Variants in DDAH1 observed in about 807,000 individuals in gnomAD.
DDAH1 encodes N(G),N(G)-dimethylarginine dimethylaminohydrolase 1.
DDAH1 carries 19 observed loss-of-function variants against 28.8 expected under a neutral mutation model. The ratio of observed to expected loss-of-function variants is 0.66; its 90% confidence interval spans 0.46 to 0.97. The LOEUF is 0.97. DDAH1 is among the 50% of genes least tolerant of loss of function. The pLI is 0.00. For synonymous variants in DDAH1, 153 were observed against 154.4 expected, an observed-to-expected ratio of 0.99 and a Z score of 0.07; for missense variants, 326 against 375.9, an observed-to-expected ratio of 0.87 and a Z score of 1.10.
At chr1:85,519,464 G>A (rs1208011614) in intron 1 of DDAH1, among the ~76,000 whole-genome samples, 1 of 152,106 alleles carries the variant, frequency 6.6e-6, no homozygotes, top group African/African-American at 2.4e-5. Flanking sequence ...TAAAAATGAT[G>A]CGTAAATTTT....
At chr1:85,544,971 T>A (rs1346846347) in intron 1 of DDAH1, among the ~76,000 whole-genome samples, 1 of 152,150 alleles carries the variant, frequency 6.6e-6, no homozygotes, top group Admixed American at 6.5e-5. Context: ...TAACTCAACA[T>A]GTTTATTTAA....
chr1:85,511,446 G>A (rs940726766), intron 1 of DDAH1, among the ~76,000 whole-genome samples: 8 of 152,036 alleles, frequency 5.3e-5, no homozygotes, highest in African/African-American at 1.9e-4. Flanking sequence ...AAGAACTAGA[G>A]AAGCAAGAGC....
chr1:85,494,012 T>C (rs1203029165), intron 2 of DDAH1: 1 of 152,230 alleles, frequency 6.6e-6, no homozygotes, highest in African/African-American at 2.4e-5. Context: ...TGTTTTGGGA[T>C]GCAACCAGGC....
chr1:85,435,165 A>G (rs1405284507), intron 1 of DDAH1: 1 of 152,228 alleles, frequency 6.6e-6, no homozygotes, highest in Non-Finnish European at 1.5e-5. Context: ...CCCATTAGTT[A>G]TTGTATTATT....
Position 85,491,046 on chromosome 1 carries a change from CTTTT to C in DDAH1, c.-7+5116_-7+5119del, listed in dbSNP as rs5775843. ...TCTAATGACAACAGTAACATGTATT[CTTTT>C]TTTTTTTTTTTTTTTTGAGACAGTC... On this transcript the variant is annotated intron_variant, in intron 2 of 6. Coordinates refer to the DDAH1 transcript ENST00000426972. Among the ~76,000 whole-genome samples the C allele has an allele frequency of 1.1e-3, 136 of 125,620 alleles. 2 individuals carry two copies. Among genetic ancestry groups the C allele is most frequent in the African/African-American group, 2.4e-3 (83 of 34,448 alleles). The allele number at this position is 125,620 out of a possible 152,430, so 82.4% of individuals were successfully genotyped here.
At chr1:85,481,236 G>A (rs970014505) in intron 2 of DDAH1, among the ~76,000 whole-genome samples, 3 of 151,330 alleles carry the variant, frequency 2.0e-5, no homozygotes, top group African/African-American at 4.9e-5. Context: ...TAGCTGAGAT[G>A]ACAGGTGTGT....
chr1:85,547,177 A>G (rs1658651632), intron 1 of DDAH1, among the ~76,000 whole-genome samples: 1 of 152,198 alleles, frequency 6.6e-6, no homozygotes, highest in African/African-American at 2.4e-5. Context: ...ATGTGTTAGC[A>G]GGTTAGCAAC....
At chr1:85,562,499 C>T (rs1659169638) in intron 1 of DDAH1, among the ~76,000 whole-genome samples, 1 of 152,120 alleles carries the variant, frequency 6.6e-6, no homozygotes, top group South Asian at 2.1e-4. Context: ...TGGAAATAGG[C>T]TGTTTACAGA....
At chr1:85,356,810 T>G (rs771049087) in intron 2 of DDAH1, among the ~76,000 whole-genome samples, 1 of 152,224 alleles carries the variant, frequency 6.6e-6, no homozygotes, top group Non-Finnish European at 1.5e-5. Context: ...GGGCTTGAGA[T>G]GCTAGGGAAA....
intron 1 of DDAH1, among the ~76,000 whole-genome samples, chr1:85,507,723 GAAGTT>G (rs1252621864): frequency 6.6e-6 from 1 of 152,074 alleles, no homozygotes; most frequent in Admixed American, 6.5e-5. Flanking sequence ...AGAGTCCTTT[GAAGTT>G]CTCGTATTGG....
intron 1 of DDAH1, among the ~76,000 whole-genome samples, chr1:85,374,137 A>C (rs746776175): frequency 1.6e-4 from 25 of 152,120 alleles, no homozygotes; most frequent in Non-Finnish European, 3.1e-4. Flanking sequence ...GACCACTGGA[A>C]GCTGTATTAC....
At chr1:85,512,892 G>A (rs1054974453) in intron 1 of DDAH1, among the ~76,000 whole-genome samples, 1 of 152,158 alleles carries the variant, frequency 6.6e-6, no homozygotes, top group African/African-American at 2.4e-5. Context: ...TCATGGATAG[G>A]AAGAATCAAT....
At chr1:85,495,703 C>T (rs1317527726) in intron 2 of DDAH1, 1 of 152,212 alleles carries the variant, frequency 6.6e-6, no homozygotes, top group African/African-American at 2.4e-5. Flanking sequence ...CAATTCACTA[C>T]TGGGAGGTCT....
chr1:85,382,716 GTTAGAGGTT>G (rs1651055294), intron 1 of DDAH1, among the ~76,000 whole-genome samples: 1 of 152,310 alleles, frequency 6.6e-6, no homozygotes, highest in Non-Finnish European at 1.5e-5. Context: ...TGACTCTCTT[GTTAGAGGTT>G]AATGGAGCTG....
chr1:85,323,317 T>A (rs1661430165), intron 5 of DDAH1, among the ~76,000 whole-genome samples: 1 of 152,158 alleles, frequency 6.6e-6, no homozygotes, highest in Non-Finnish European at 1.5e-5. Context: ...CGGGCAGAGA[T>A]GAGATGCTGA....
At chr1:85,369,353 T>A (rs1158270636) in intron 1 of DDAH1, among the ~76,000 whole-genome samples, 1 of 152,048 alleles carries the variant, frequency 6.6e-6, no homozygotes, top group Non-Finnish European at 1.5e-5. Flanking sequence ...AACAACTTTG[T>A]AAGTCAGACA....
intron 1 of DDAH1, among the ~76,000 whole-genome samples, chr1:85,569,885 T>C (rs1037387622): frequency 1.3e-5 from 2 of 152,220 alleles, no homozygotes; most frequent in Non-Finnish European, 1.5e-5. Context: ...CACAACCTAG[T>C]CTTGCTAAGT....
At chr1:85,413,972 T>C (rs912300291) in intron 1 of DDAH1, among the ~76,000 whole-genome samples, 2 of 152,258 alleles carry the variant, frequency 1.3e-5, no homozygotes, top group African/African-American at 2.4e-5. Context: ...AAACAACATA[T>C]GAAAATGTGT....
intron 4 of DDAH1, among the ~76,000 whole-genome samples, chr1:85,338,373 T>C (rs1192496920): frequency 6.6e-6 from 1 of 152,172 alleles, no homozygotes; most frequent in African/African-American, 2.4e-5. Flanking sequence ...ATTTCAGTAA[T>C]CTAGGGGAGT....
Sources: gnomAD v4.1 joint callset for allele counts (sites outside exome capture counted in the v4.1 genomes callset) on GRCh38, gnomAD v4.1.1 for gene constraint, MANE v1.5 for transcripts, NCBI Gene and HGNC (gene_info 2026-07-23, HGNC 2026-07-21) for gene names.